The following DYNC2H1 variants were observed in gnomAD, a reference collection of about 807,000 sequenced individuals.
The protein encoded by DYNC2H1 is cytoplasmic dynein 2 heavy chain 1.
In DYNC2H1, 410 loss-of-function variants were observed where a neutral mutation model predicts 570.0. The ratio of observed to expected loss-of-function variants is 0.72; its 90% CI spans 0.66 to 0.78. The LOEUF (loss-of-function observed/expected upper bound fraction) is 0.78, where lower values mean the gene tolerates loss of function less well. Ranked by LOEUF, DYNC2H1 falls within the 30% of genes least tolerant of loss-of-function variation. The probability of loss-of-function intolerance (pLI) is 0.00; values close to 1 mark genes in which losing one functional copy is unlikely to be tolerated. For synonymous variants in DYNC2H1, 1,688 were observed against 1,677.6 expected (o/e 1.01, Z -0.15); for missense variants, 4,865 against 5,046.4 (o/e 0.96, Z 1.09).
chr11:103,253,160 C>T, intron 65 of DYNC2H1, 125 bp from the exon 66 acceptor site: 1 of 932,282 alleles, frequency 1.1e-6, no homozygotes, highest in Non-Finnish European at 1.5e-6. Flanking sequence ...GGTAACCCAA[C>T]TTTTGCCGTC....
intron 84 of DYNC2H1, among the ~76,000 whole-genome samples, chr11:103,417,776 G>A (rs562333862): frequency 9.9e-5 from 15 of 151,600 alleles, no homozygotes; most frequent in African/African-American, 1.2e-4. Flanking sequence ...CACAAGAGGC[G>A]GAGGCAGGAG....
chr11:103,444,182 C>A (rs1209321683), intron 85 of DYNC2H1, among the ~76,000 whole-genome samples: 2 of 151,438 alleles, frequency 1.3e-5, no homozygotes, highest in African/African-American at 4.8e-5. Context: ...TATTAATTAT[C>A]AATCTATTTC....
In DYNC2H1 at chr11:103,117,629, A is replaced by G. The variant is rs762873763; in HGVS notation, c.767-2A>G. 4 of 1,588,768 alleles carry G rather than the reference A, an allele frequency of 2.5e-6. No individual in the cohort carries two copies. Among genetic ancestry groups the G allele is most frequent in the Admixed American group, 1.7e-5 (1 of 58,050 alleles). ...TAAACTCTTTGCTTTATGTTTTATT[A>G]GGTGGTTCATTTGGAAGGTTTGTTC... On this transcript the variant is annotated splice_acceptor_variant, in intron 5 of 88. Coordinates refer to ENST00000375735, the MANE Select transcript of DYNC2H1 (RefSeq NM_001377.3). LOFTEE classifies it high-confidence loss of function.
At chr11:103,358,398 C>A in intron 83 of DYNC2H1, 39 bp downstream of exon 83, 1 of 1,372,180 alleles carries the variant, frequency 7.3e-7, no homozygotes, top group Non-Finnish European at 1.0e-6. Context: ...TTTGCTTTTT[C>A]TCCCGCATCG....
At position 103,189,891 on chromosome 11, in the gene DYNC2H1, C is replaced by G; in HGVS notation, c.7437+75C>G. ...AAAGGTCTACTTTTAATTCTGACCT[C>G]TGTGTTGACACCCAGGCTTTACTTT... On this transcript the variant is annotated intron_variant, in intron 45 of 88. Coordinates refer to ENST00000375735, the MANE Select transcript of DYNC2H1 (RefSeq NM_001377.3). The surrounding 1 kb of genome is among the most constrained non-coding windows in gnomAD (Gnocchi z 4.3). The G allele has an allele frequency of 7.1e-7, 1 of 1,409,008 alleles. No homozygotes were observed. Among genetic ancestry groups the G allele is most frequent in the Non-Finnish European group, 9.5e-7 (1 of 1,052,054 alleles). 87.3% of individuals were successfully genotyped at this position (1,409,008 alleles called of 1,614,324 possible). A position where few individuals can be genotyped will look rare whatever the true frequency, so the allele number is the denominator to read the frequency against.
At chr11:103,381,394 C>G (rs1431006240) in intron 83 of DYNC2H1, among the ~76,000 whole-genome samples, 2 of 152,138 alleles carry the variant, frequency 1.3e-5, no homozygotes, top group African/African-American at 4.8e-5. Flanking sequence ...ATAACAAGCA[C>G]TAGTAGTGTT....
chr11:103,346,067 T>G (rs1238101716), intron 82 of DYNC2H1, among the ~76,000 whole-genome samples: 1 of 152,206 alleles, frequency 6.6e-6, no homozygotes, highest in Non-Finnish European at 1.5e-5. Flanking sequence ...GGCAAAATTT[T>G]AAAAACCTGT....
At chr11:103,365,372 A>C (rs567864612) in intron 83 of DYNC2H1, among the ~76,000 whole-genome samples, 2 of 151,970 alleles carry the variant, frequency 1.3e-5, no homozygotes, top group East Asian at 3.9e-4. Flanking sequence ...AGGAAAAAAA[A>C]AAAAGTGTAT....
At chr11:103,279,627 TACG>T (rs1175965174) in intron 70 of DYNC2H1, among the ~76,000 whole-genome samples, 1 of 151,772 alleles carries the variant, frequency 6.6e-6, no homozygotes, top group African/African-American at 2.4e-5. Context: ...ATAAAGTAGA[TACG>T]ACCTTCTCCT....
chr11:103,147,911 T>C (rs761207857), intron 19 of DYNC2H1, 24 bp downstream of exon 19: 3 of 1,491,128 alleles, frequency 2.0e-6, no homozygotes, highest in Non-Finnish European at 2.8e-6. Flanking sequence ...TTAATTTTTA[T>C]TTTTACTTAA....
At chr11:103,390,054 C>T (rs894310974) in intron 83 of DYNC2H1, among the ~76,000 whole-genome samples, 22 of 152,026 alleles carry the variant, frequency 1.4e-4, no homozygotes, top group East Asian at 5.8e-4. Context: ...GATATCCTTG[C>T]GAAATTTCTG....
intron 75 of DYNC2H1, among the ~76,000 whole-genome samples, chr11:103,301,792 G>A (rs949977449): frequency 6.6e-6 from 1 of 151,808 alleles, no homozygotes; most frequent in African/African-American, 2.4e-5. Flanking sequence ...ATAACACAGA[G>A]TTTATATTTT....
intron 84 of DYNC2H1, among the ~76,000 whole-genome samples, chr11:103,421,910 GTTT>G (rs33961802): frequency 6.1e-5 from 3 of 49,030 alleles, no homozygotes; most frequent in Admixed American, 4.7e-4. Context: ...CCAAGAACTG[GTTT>G]TTTTTTTTTA....
In DYNC2H1 at chr11:103,334,341, C is replaced by CG. The variant is rs897123575; in HGVS notation, c.12039+10353dup. Among the ~76,000 whole-genome samples, 13 of 151,914 alleles carry CG rather than the reference C, an allele frequency of 8.6e-5. No homozygotes were observed. The highest frequency in any genetic ancestry group is 2.9e-4 in the African/African-American group (12 of 41,364). ...GGGGTAAATTTAGGTATTTCTGGCA[C>CG]GGATAGGGTAGAACAGAATTTGGCT... is the stretch of plus-strand genomic sequence containing the variant. On this transcript the variant is annotated intron_variant, in intron 82 of 88. Coordinates refer to ENST00000375735, the MANE Select transcript of DYNC2H1 (RefSeq NM_001377.3). The surrounding 1 kb of genome is among the most constrained non-coding windows in gnomAD (Gnocchi z 4.3).
At chr11:103,190,237 A>C (rs1171635356) in intron 45 of DYNC2H1, among the ~76,000 whole-genome samples, 1 of 152,148 alleles carries the variant, frequency 6.6e-6, no homozygotes. Flanking sequence ...TCCTAGATAA[A>C]ATGGGGAAGA....
chr11:103,388,093 A>C (rs1437894924), intron 83 of DYNC2H1, among the ~76,000 whole-genome samples: 11 of 152,056 alleles, frequency 7.2e-5, no homozygotes, highest in African/African-American at 2.7e-4. Flanking sequence ...TTACCTTGGG[A>C]TGTATGGCCA....
rs1466191893 is a variant in DYNC2H1, at chr11:103,191,579, C to G, written c.7500C>G (p.Thr2500=). The G allele has an allele frequency of 2.5e-6, 4 of 1,609,862 alleles. No homozygotes were observed. The South Asian group carries it at 3.3e-5, about 13-fold the overall frequency. ...SHYFFTPCIL[T]QWVLGLFRYD... ...ATTTCTTTACTCCTTGCATTCTTACCCAATGGGTTCTTGGCTTATTTAGAT... is the reference window on the plus strand; with the variant it reads ...ATTTCTTTACTCCTTGCATTCTTACGCAATGGGTTCTTGGCTTATTTAGAT... Residue 2500 remains threonine, a synonymous_variant, in exon 46 of 89, where the codon ACC becomes ACG. Coordinates refer to ENST00000375735, the MANE Select transcript of DYNC2H1 (RefSeq NM_001377.3).
At chr11:103,191,014 A>T (rs1591384045) in intron 45 of DYNC2H1, among the ~76,000 whole-genome samples, 1 of 126,562 alleles carries the variant, frequency 7.9e-6, no homozygotes, top group African/African-American at 3.1e-5. Flanking sequence ...CTTAGAATAT[A>T]TGTATATATA....
chr11:103,166,463 G>A (rs1001617120), intron 31 of DYNC2H1, among the ~76,000 whole-genome samples: 1 of 152,106 alleles, frequency 6.6e-6, no homozygotes, highest in African/African-American at 2.4e-5. Flanking sequence ...TCCTTCTGGT[G>A]TCATTTTCCT....
Sources: gnomAD v4.1 joint callset for allele counts (sites outside exome capture counted in the v4.1 genomes callset) on GRCh38, gnomAD v4.1.1 for gene constraint, Gnocchi (gnomAD v3.1) non-coding constraint, MANE v1.5 for transcripts, NCBI Gene and HGNC (gene_info 2026-07-23, HGNC 2026-07-21) for gene names.